The following CACNA2D1 variants were observed in gnomAD, a reference collection of about 807,000 sequenced individuals.
CACNA2D1 encodes voltage-dependent calcium channel subunit alpha-2/delta-1.
In CACNA2D1, 53 loss-of-function variants were observed where a neutral mutation model predicts 171.5. The ratio of observed to expected loss-of-function variants is 0.31; its 90% CI spans 0.25 to 0.39. CACNA2D1 has a LOEUF of 0.39. Ranked by LOEUF, CACNA2D1 falls within the 10% of genes least tolerant of loss-of-function variation. The probability of loss-of-function intolerance (pLI) is 1.00; values close to 1 mark genes in which losing one functional copy is unlikely to be tolerated. For synonymous variants in CACNA2D1, 442 were observed against 443.1 expected (o/e 1.00, Z 0.03); for missense variants, 903 against 1,299.8 (o/e 0.69, Z 4.69).
At chr7:82,131,092 G>A (rs115132195) in intron 5 of CACNA2D1, among the ~76,000 whole-genome samples, 3,662 of 152,214 alleles carry the variant, frequency 0.024, 135 homozygotes, top group African/African-American at 0.083. Flanking sequence ...ATGAGCCACC[G>A]CGCCGGCCAG....
At chr7:82,425,388 C>G (rs1051278732) in intron 1 of CACNA2D1, among the ~76,000 whole-genome samples, 2 of 152,062 alleles carry the variant, frequency 1.3e-5, no homozygotes, top group Non-Finnish European at 2.9e-5. Flanking sequence ...AAGGGGCCAC[C>G]ACGACTCCTC....
intron 3 of CACNA2D1, among the ~76,000 whole-genome samples, chr7:82,199,722 ACCT>A (rs1799219007): frequency 6.6e-6 from 1 of 152,034 alleles, no homozygotes; most frequent in Admixed American, 6.6e-5. Flanking sequence ...TAGATATATA[ACCT>A]CCTCATTCCA....
At chr7:82,170,636 A>G (rs1285353995) in intron 3 of CACNA2D1, 27 bp from the exon 4 acceptor site, 1 of 1,603,246 alleles carries the variant, frequency 6.2e-7, no homozygotes, top group Non-Finnish European at 8.5e-7. Context: ...AAATCTTAGA[A>G]TTCAAATGAA....
At chr7:82,079,648 C>T (rs1245309739) in intron 7 of CACNA2D1, among the ~76,000 whole-genome samples, 1 of 150,262 alleles carries the variant, frequency 6.7e-6, no homozygotes, top group South Asian at 2.1e-4. Context: ...GCCGAGATTA[C>T]GCCACTGCAC....
At chr7:82,132,046 C>A (rs768772817) in intron 5 of CACNA2D1, among the ~76,000 whole-genome samples, 19 of 151,990 alleles carry the variant, frequency 1.3e-4, no homozygotes, top group Non-Finnish European at 2.5e-4. Flanking sequence ...TATCAAAGTA[C>A]AACATGTATT....
chr7:81,962,027 G>A lies in CACNA2D1; in HGVS notation c.2837-4C>T. On this transcript the variant is annotated splice_polypyrimidine_tract_variant and splice_region_variant and intron_variant, in intron 35 of 38. Coordinates refer to ENST00000356860, the MANE Select transcript of CACNA2D1 (RefSeq NM_000722.4). ...AAGTCATCATCCTCCATCTCAACTT[G>A]GGTGGCGGGGGACGGTGTAAAAACA... The A allele has an allele frequency of 1.2e-6, 2 of 1,612,142 alleles. No individual in the cohort carries two copies. Among genetic ancestry groups the A allele is most frequent in the Non-Finnish European group, 1.7e-6 (2 of 1,178,902 alleles).
intron 10 of CACNA2D1, among the ~76,000 whole-genome samples, chr7:82,041,542 T>C (rs890202708): frequency 6.6e-6 from 1 of 152,186 alleles, no homozygotes; most frequent in African/African-American, 2.4e-5. Flanking sequence ...CCTGCACAGA[T>C]AGTAAGTCCT....
At chr7:82,442,183 A>C (rs1830555620) in intron 1 of CACNA2D1, among the ~76,000 whole-genome samples, 1 of 152,182 alleles carries the variant, frequency 6.6e-6, no homozygotes, top group Non-Finnish European at 1.5e-5. Context: ...CTTAAAACTG[A>C]ATCTTAAATA....
At position 82,240,073 on chromosome 7, in the gene CACNA2D1, G is replaced by T. The variant is rs80176591; in HGVS notation, c.295-69464C>A. On this transcript the variant is annotated intron_variant, in intron 3 of 38. Transcript: ENST00000356860. ...ACTAAGATTATTGTGCAAAAGAACA[G>T]TTATGAACTACAATTTTAGACTCAC... Among the ~76,000 whole-genome samples the T allele has an allele frequency of 6.2e-3, 951 of 152,224 alleles. 14 individuals carry two copies. Among genetic ancestry groups the T allele is most frequent in the African/African-American group, 0.022 (908 of 41,542 alleles).
intron 1 of CACNA2D1, among the ~76,000 whole-genome samples, chr7:82,400,220 T>A (rs972686582): frequency 6.6e-6 from 1 of 151,456 alleles, no homozygotes; most frequent in Non-Finnish European, 1.5e-5. Flanking sequence ...TTAAAGTAGT[T>A]TTTTCCAATT....
At chr7:82,252,044 T>A (rs1049008711) in intron 3 of CACNA2D1, among the ~76,000 whole-genome samples, 1 of 152,374 alleles carries the variant, frequency 6.6e-6, no homozygotes, top group East Asian at 1.9e-4. Context: ...TGTCATTTAC[T>A]ATATTTTATT....
At chr7:82,412,039 C>T (rs1827726415) in intron 1 of CACNA2D1, among the ~76,000 whole-genome samples, 1 of 151,986 alleles carries the variant, frequency 6.6e-6, no homozygotes, top group Admixed American at 6.6e-5. Flanking sequence ...ATAGGTGTCA[C>T]CAAACACATG....
intron 10 of CACNA2D1, among the ~76,000 whole-genome samples, chr7:82,051,362 A>G (rs1805177797): frequency 6.6e-6 from 1 of 151,936 alleles, no homozygotes. Context: ...TGTCACTTCT[A>G]GGACTGCTGC....
intron 1 of CACNA2D1, among the ~76,000 whole-genome samples, chr7:82,364,124 G>C (rs1477474089): frequency 4.6e-5 from 7 of 152,256 alleles, no homozygotes; most frequent in African/African-American, 1.4e-4. Flanking sequence ...TCAGGAGGCT[G>C]AGACACAAGA....
At chr7:82,275,575 T>C (rs1457038203) in intron 3 of CACNA2D1, among the ~76,000 whole-genome samples, 1 of 152,086 alleles carries the variant, frequency 6.6e-6, no homozygotes, top group Non-Finnish European at 1.5e-5. Flanking sequence ...GCTTTTAGTA[T>C]ACTCTCCAGC....
intron 3 of CACNA2D1, among the ~76,000 whole-genome samples, chr7:82,211,401 G>A (rs535054825): frequency 9.1e-4 from 139 of 151,920 alleles, no homozygotes; most frequent in African/African-American, 3.0e-3. Flanking sequence ...TATTATCCCC[G>A]CTTTGTGTCC....
At chr7:82,006,964 T>C (rs1799180590) in intron 16 of CACNA2D1, among the ~76,000 whole-genome samples, 1 of 152,122 alleles carries the variant, frequency 6.6e-6, no homozygotes, top group Admixed American at 6.6e-5. Flanking sequence ...AAAATCAGTT[T>C]CTAGTATTAA....
intron 4 of CACNA2D1, among the ~76,000 whole-genome samples, chr7:82,152,869 T>A (rs145696464): frequency 2.7e-4 from 41 of 152,094 alleles, no homozygotes; most frequent in Middle Eastern, 3.4e-3. Flanking sequence ...TTATTGGGCA[T>A]TGTTCATTTA....
At chr7:82,169,513 T>C (rs368528265) in intron 4 of CACNA2D1, among the ~76,000 whole-genome samples, 1 of 152,046 alleles carries the variant, frequency 6.6e-6, no homozygotes, top group East Asian at 1.9e-4. Flanking sequence ...TGGAAGACTA[T>C]TATATACATG....
Sources: allele counts gnomAD v4.1 joint callset (sites outside exome capture counted in the v4.1 genomes callset), GRCh38; gene constraint gnomAD v4.1.1; transcripts MANE v1.5; gene names NCBI Gene and HGNC (gene_info 2026-07-23, HGNC 2026-07-21).